The following FOXK2 variants were observed in gnomAD, a reference collection of about 807,000 sequenced individuals.
FOXK2 encodes forkhead box protein K2.
In FOXK2, 24 loss-of-function variants were observed where a neutral mutation model predicts 53.3. The ratio of observed to expected loss-of-function variants is 0.45; its 90% CI spans 0.33 to 0.63. The LOEUF is 0.63. FOXK2 is among the 30% of genes least tolerant of loss of function. The pLI is 0.03. For synonymous variants in FOXK2, 505 were observed against 407.1 expected, an observed-to-expected ratio of 1.24 and a Z score of -2.89; for missense variants, 952 against 910.5, an observed-to-expected ratio of 1.05 and a Z score of -0.59.
At chr17:82,578,971 C>T (rs2045024175) in intron 4 of FOXK2, among the ~76,000 whole-genome samples, 1 of 152,208 alleles carries the variant, frequency 6.6e-6, no homozygotes, top group South Asian at 2.1e-4. Flanking sequence ...AATGACTCCA[C>T]ATCAGTCAGT....
intron 8 of FOXK2, among the ~76,000 whole-genome samples, chr17:82,587,756 G>A (rs370111694): frequency 2.0e-4 from 31 of 152,316 alleles, no homozygotes; most frequent in South Asian, 8.3e-4. Context: ...CAGAACCTCC[G>A]CGCCGACACC....
intron 1 of FOXK2, among the ~76,000 whole-genome samples, chr17:82,542,920 A>G (rs1421631434): frequency 6.6e-6 from 1 of 152,184 alleles, no homozygotes; most frequent in Non-Finnish European, 1.5e-5. Context: ...CAGGAGGCTG[A>G]TGTGAGAGAA....
At chr17:82,584,285 C>A in intron 6 of FOXK2, 97 bp downstream of exon 6, 1 of 1,310,552 alleles carries the variant, frequency 7.6e-7, no homozygotes, top group Non-Finnish European at 1.0e-6. Context: ...TGGAGGCCTG[C>A]CTGTCCCTCT....
intron 1 of FOXK2, among the ~76,000 whole-genome samples, chr17:82,528,976 C>T (rs944246959): frequency 3.9e-5 from 6 of 152,244 alleles, no homozygotes; most frequent in Admixed American, 2.6e-4. Flanking sequence ...ACTGGGAGGA[C>T]GGGTGCTACT....
At chr17:82,558,297 T>C (rs11657886) in intron 1 of FOXK2, among the ~76,000 whole-genome samples, 66,977 of 151,948 alleles carry the variant, frequency 0.44, 14,947 homozygotes, top group South Asian at 0.56. Flanking sequence ...GTGATTGCGT[T>C]GCTGCACTCC....
chr17:82,596,153 A>ATAC, intron 8 of FOXK2: 1 of 1,027,438 alleles, frequency 9.7e-7, no homozygotes, highest in South Asian at 3.3e-5. Context: ...GGAGCATCTG[A>ATAC]GGTGGTCACG....
At chr17:82,538,994 T>G (rs2044547805) in intron 1 of FOXK2, among the ~76,000 whole-genome samples, 1 of 152,240 alleles carries the variant, frequency 6.6e-6, no homozygotes. Context: ...TTGGAATGTT[T>G]AAGACTGAGA....
intron 1 of FOXK2, among the ~76,000 whole-genome samples, chr17:82,543,454 G>C (rs978430715): frequency 6.6e-6 from 1 of 152,144 alleles, no homozygotes; most frequent in African/African-American, 2.4e-5. Flanking sequence ...CCTGCTGTGG[G>C]GGTGCCACAC....
intron 1 of FOXK2, among the ~76,000 whole-genome samples, chr17:82,554,738 G>GTTTTTT (rs78786521): frequency 1.4e-5 from 2 of 145,118 alleles, no homozygotes; most frequent in Non-Finnish European, 1.5e-5. Context: ...ATCCAGTGAG[G>GTTTTTT]TTTTTTTTTT....
At chr17:82,573,556 TCTCTCTCACACACACACACA>T (rs1158339492) in intron 4 of FOXK2, among the ~76,000 whole-genome samples, 10 of 116,558 alleles carry the variant, frequency 8.6e-5, no homozygotes, top group South Asian at 6.4e-4. Flanking sequence ...TCTCTCTCTC[TCTCTCTCACACACACACACA>T]CACACACACA....
At chr17:82,541,609 C>T (rs1210475108) in intron 1 of FOXK2, among the ~76,000 whole-genome samples, 1 of 151,978 alleles carries the variant, frequency 6.6e-6, no homozygotes, top group Non-Finnish European at 1.5e-5. Flanking sequence ...CAAATTGATA[C>T]TTGTGTGACA....
chr17:82,547,254 G>A (rs1302313470), intron 1 of FOXK2, among the ~76,000 whole-genome samples: 1 of 152,098 alleles, frequency 6.6e-6, no homozygotes, highest in Non-Finnish European at 1.5e-5. Flanking sequence ...TCTCCATTGT[G>A]GTTCCCCGGA....
intron 2 of FOXK2, among the ~76,000 whole-genome samples, chr17:82,567,412 C>T (rs758450867): frequency 6.6e-5 from 10 of 152,218 alleles, no homozygotes; most frequent in South Asian, 2.1e-4. Flanking sequence ...CCTGAGCCCC[C>T]GTCCAGCCCG....
At chr17:82,596,596 C>A (rs538186995) in intron 8 of FOXK2, among the ~76,000 whole-genome samples, 1 of 20,052 alleles carries the variant, frequency 5.0e-5, no homozygotes, top group African/African-American at 8.5e-5. Flanking sequence ...GCAGCCTCAT[C>A]AAGTCTCCCA....
intron 7 of FOXK2, among the ~76,000 whole-genome samples, 175 bp from the exon 8 acceptor site, chr17:82,586,888 A>G (rs930136108): frequency 3.9e-5 from 6 of 152,102 alleles, no homozygotes; most frequent in Non-Finnish European, 8.8e-5. Flanking sequence ...GTAACGAGCG[A>G]AACTCCATCT....
Position 82,582,722 on chromosome 17 carries a change from A to G in FOXK2, c.910-19A>G. The stretch of plus-strand genomic sequence containing the variant: ...GCAAATAAATATATGAATTCTACGT[A>G]TTTTTTTATGTTTCATAGAATTCAA... On this transcript the variant is annotated intron_variant, in intron 4 of 8. Transcript: ENST00000335255. The G allele has an allele frequency of 6.5e-7, 1 of 1,542,116 alleles. No individual in the cohort carries two copies.
intron 1 of FOXK2, among the ~76,000 whole-genome samples, chr17:82,533,201 A>G (rs918466934): frequency 3.3e-5 from 5 of 152,204 alleles, no homozygotes; most frequent in African/African-American, 1.2e-4. Flanking sequence ...GATAAAATGT[A>G]TAGTGCTGCC....
In FOXK2 at chr17:82,590,177, C is replaced by T. The variant is rs143055816; in HGVS notation, c.1786+2905C>T. On this transcript the variant is annotated intron_variant, in intron 8 of 8. Transcript: ENST00000335255. ...GAGGCTGTTCAGAGAGAGGAGGTGG[C>T]AGATGGGCTTTAAGAAAAGACTTCA... Among the ~76,000 whole-genome samples the T allele has an allele frequency of 8.6e-3, 1,315 of 152,268 alleles. 10 individuals carry two copies. The highest frequency in any genetic ancestry group is 0.03 in the South Asian group (144 of 4,822).
rs1393219927 is a variant in FOXK2, at chr17:82,519,782, C to T, written c.-107C>T. On this transcript the variant is annotated 5_prime_UTR_variant, in exon 1 of 9. Coordinates refer to ENST00000335255, the MANE Select transcript of FOXK2 (RefSeq NM_004514.4). Reference sequence around the variant, plus strand: ...GCCGGCCGGCGGCCTCCGCTCGGCCCCCTCCCTCAGCTCCGGTGCGCGGCG... The same window carrying T: ...GCCGGCCGGCGGCCTCCGCTCGGCCTCCTCCCTCAGCTCCGGTGCGCGGCG... 1.3e-5 allele frequency: 4 copies of T among 314,502 alleles called. No individual in the cohort carries two copies. The highest frequency in any genetic ancestry group is 2.3e-5 in the African/African-American group (1 of 43,906). The allele number at this position is 314,502 out of a possible 1,614,324, so 19.5% of individuals were successfully genotyped here.
Sources: allele counts gnomAD v4.1 joint callset (sites outside exome capture counted in the v4.1 genomes callset), GRCh38; gene constraint gnomAD v4.1.1; transcripts MANE v1.5; gene names NCBI Gene and HGNC (gene_info 2026-07-23, HGNC 2026-07-21).